Variants in SATB1 observed in about 807,000 individuals in gnomAD.
SATB1 encodes the protein SATB homeobox 1, also known as DNA-binding protein SATB1.
A neutral mutation model predicts 86.9 loss-of-function variants in SATB1; 11 were observed. That is an observed-to-expected ratio of 0.13 (90% CI 0.08 to 0.21). The LOEUF (loss-of-function observed/expected upper bound fraction) is 0.21. Among genes scored for constraint, SATB1 ranks in the 10% least tolerant of loss-of-function variants. SATB1 has a pLI of 1.00. For synonymous variants in SATB1, 357 were observed against 357.2 expected, an observed-to-expected ratio of 1.00 and a Z score of 0.01; for missense variants, 551 against 937.6, an observed-to-expected ratio of 0.59 and a Z score of 5.39.
intron 5 of SATB1, chr3:18,409,702 A>G (rs1039945962): frequency 1.3e-5 from 2 of 152,166 alleles, no homozygotes; most frequent in Admixed American, 1.3e-4. Context: ...AAAGTTTTTT[A>G]ATGTTAAAAA....
In SATB1 at chr3:18,347,322, T is replaced by A. The variant is rs1441918145; in HGVS notation, c.*1848A>T. 1 of 152,134 alleles carries A rather than the reference T, an allele frequency of 6.6e-6. No homozygotes were observed. The allele number at this position is 152,134 out of a possible 1,614,324, so 9.4% of individuals were successfully genotyped here. A position where few individuals can be genotyped will look rare whatever the true frequency, so the allele number is the denominator to read the frequency against. ...ATGCTGGCCTCAATCCTGTGACCATTAGCACACCTCATTTTATATTCTGGC... is the reference window on the plus strand; with the variant it reads ...ATGCTGGCCTCAATCCTGTGACCATAAGCACACCTCATTTTATATTCTGGC... On this transcript the variant is annotated 3_prime_UTR_variant, in exon 11 of 11. Transcript: ENST00000338745.
intron 4 of SATB1, 55 bp from the exon 5 acceptor site, chr3:18,415,289 G>A: frequency 1.2e-6 from 2 of 1,601,774 alleles, no homozygotes; most frequent in Non-Finnish European, 1.7e-6. Flanking sequence ...TCCCGCTGCA[G>A]AACATTCCTT....
At chr3:18,405,271 G>A (rs1166837817) in intron 5 of SATB1, among the ~76,000 whole-genome samples, 1 of 151,748 alleles carries the variant, frequency 6.6e-6, no homozygotes, top group Non-Finnish European at 1.5e-5. Context: ...CTATACCAAT[G>A]TACCCATTTG....
rs1023386841 is a variant in SATB1 at position 18,349,617 on chromosome 3, C to T, written c.1845G>A (p.Gln615=). The T allele has an allele frequency of 6.2e-7, 1 of 1,613,394 alleles. No individual in the cohort carries two copies. Among genetic ancestry groups the T allele is most frequent in the African/African-American group, 1.3e-5 (1 of 75,022 alleles). ...QQQAPPPPQP[Q]QQPQTGPRLP... The stretch of plus-strand genomic sequence containing the variant: ...GCCGAGGGCCTGTCTGTGGCTGCTG[C>T]TGTGGCTGTGGAGGCGGCGGTGCCT... The change falls in exon 11 of 11, where the codon CAG becomes CAA. Residue 615 remains glutamine (Q), a synonymous_variant. Transcript: ENST00000338745. This position sits in a 1 kb window ranked among gnomAD's most constrained non-coding sequence, Gnocchi z 5.5.
chr3:18,417,247 T>C (rs970096358), intron 2 of SATB1, 169 bp from the exon 3 acceptor site: 1 of 610,874 alleles, frequency 1.6e-6, no homozygotes, highest in Admixed American at 3.4e-5. Flanking sequence ...AATATATACA[T>C]TCTCATATTA....
At chr3:18,440,935 A>T (rs1463355979), upstream of SATB1, among the ~76,000 whole-genome samples, 2 of 152,214 alleles carry the variant, frequency 1.3e-5, no homozygotes, top group Admixed American at 6.5e-5. Context: ...TTGAAATATC[A>T]TAGAACTTAA....
chr3:18,414,481 G>GTA (rs1698018904), intron 5 of SATB1, among the ~76,000 whole-genome samples: 2 of 151,602 alleles, frequency 1.3e-5, no homozygotes, highest in African/African-American at 4.8e-5. Flanking sequence ...AATCCCTGAT[G>GTA]GTATAACAGG....
At chr3:18,376,744 C>T (rs566449064) in intron 9 of SATB1, among the ~76,000 whole-genome samples, 120 of 152,132 alleles carry the variant, frequency 7.9e-4, no homozygotes, top group African/African-American at 2.5e-3. Flanking sequence ...CAGTAATTTC[C>T]GATATACAAG....
At chr3:18,375,191 C>T (rs1695682002) in intron 9 of SATB1, among the ~76,000 whole-genome samples, 1 of 152,160 alleles carries the variant, frequency 6.6e-6, no homozygotes, top group Admixed American at 6.5e-5. Flanking sequence ...GGTAGTACTT[C>T]AGTGATGATG....
intron 8 of SATB1, among the ~76,000 whole-genome samples, chr3:18,382,965 T>C (rs9848212): frequency 0.54 from 81,756 of 151,728 alleles, 23,181 homozygotes; most frequent in East Asian, 0.88. Context: ...TAGGGAAAGG[T>C]TGGTATGAGG....
intron 8 of SATB1, among the ~76,000 whole-genome samples, chr3:18,381,854 T>C (rs1360413619): frequency 6.6e-6 from 1 of 152,178 alleles, no homozygotes; most frequent in East Asian, 1.9e-4. Flanking sequence ...AATTTTAATA[T>C]ATTAACACTG....
In SATB1 at chr3:18,352,241, G is replaced by A; in HGVS notation, c.1576-46C>T. On this transcript the variant is annotated intron_variant, in intron 9 of 10. Transcript: ENST00000338745. The surrounding 1 kb of genome is among the most constrained non-coding windows in gnomAD (Gnocchi z 4.1). The stretch of plus-strand genomic sequence containing the variant: ...AGGTCAGTTTGTGCCTATGAGAGGG[G>A]CTGGCATTTTCCATTAGGAGCTAAA... 6.4e-7 allele frequency: 1 copy of A among 1,564,314 alleles called. No individual in the cohort carries two copies. The highest frequency in any genetic ancestry group is 8.8e-7 in the Non-Finnish European group (1 of 1,137,216).
intron 8 of SATB1, among the ~76,000 whole-genome samples, chr3:18,378,787 AT>A (rs1172596969): frequency 1.3e-5 from 2 of 152,174 alleles, no homozygotes; most frequent in Non-Finnish European, 2.9e-5. Context: ...ATTTTAGACT[AT>A]TTTTATGCAT....
chr3:18,355,596 T>C (rs1194968349), intron 9 of SATB1, among the ~76,000 whole-genome samples: 1 of 151,914 alleles, frequency 6.6e-6, no homozygotes, highest in East Asian at 1.9e-4. Flanking sequence ...TGCATAGACT[T>C]ATGTGGGGGA....
chr3:18,374,893 T>G (rs1400018127), intron 9 of SATB1, among the ~76,000 whole-genome samples: 1 of 152,206 alleles, frequency 6.6e-6, no homozygotes, highest in African/African-American at 2.4e-5. Context: ...TAAAAGCTCT[T>G]TTGCATACAT....
intron 2 of SATB1, among the ~76,000 whole-genome samples, chr3:18,419,289 G>A (rs998622580): frequency 1.3e-5 from 2 of 152,106 alleles, no homozygotes; most frequent in African/African-American, 4.8e-5. Flanking sequence ...AGTGTTTGGC[G>A]AGAGTTCCAA....
chr3:18,421,430 A>G (rs1575171046), intron 1 of SATB1: 1 of 161,216 alleles, frequency 6.2e-6, no homozygotes, highest in Non-Finnish European at 1.4e-5. Flanking sequence ...TAGAAATCTA[A>G]TGTATATGTT....
intron 8 of SATB1, among the ~76,000 whole-genome samples, chr3:18,380,122 C>A (rs1695971110): frequency 6.6e-6 from 1 of 152,112 alleles, no homozygotes; most frequent in Admixed American, 6.5e-5. Flanking sequence ...TTTGATCACC[C>A]CATGGGGTCC....
At chr3:18,442,124 CTA>C (rs1699258411), upstream of SATB1, among the ~76,000 whole-genome samples, 1 of 152,068 alleles carries the variant, frequency 6.6e-6, no homozygotes, top group Non-Finnish European at 1.5e-5. Context: ...CTGGAAATAA[CTA>C]TTCAGACTTT....
Sources: gnomAD v4.1 joint callset for allele counts (sites outside exome capture counted in the v4.1 genomes callset) on GRCh38, gnomAD v4.1.1 for gene constraint, Gnocchi (gnomAD v3.1) non-coding constraint, MANE v1.5 for transcripts, NCBI Gene and HGNC (gene_info 2026-07-23, HGNC 2026-07-21) for gene names.